Variants in OR2C1 observed in about 807,000 individuals in gnomAD.
The protein encoded by OR2C1 is olfactory receptor 2C1.
For synonymous variants in OR2C1, 209 were observed against 167.3 expected (o/e 1.25, Z -1.92); for missense variants, 468 against 388.3 (o/e 1.21, Z -1.73).
At chr16:3,335,810 T>A in the OR2C1 span, among the ~76,000 whole-genome samples, 607 of 152,312 alleles carry the variant, frequency 4.0e-3, 2 homozygotes, top group African/African-American at 0.014. Context: ...TTCTAAAAAT[T>A]TTTTTGTGGA....
chr16:3,338,538 C>CTTTTTTTTTTTTTTTTTTT, the OR2C1 span, among the ~76,000 whole-genome samples: 4 of 103,350 alleles, frequency 3.9e-5, no homozygotes, highest in Admixed American at 2.5e-4. Flanking sequence ...GTATAGGTAC[C>CTTTTTTTTTTTTTTTTTTT]TTTTTTTTTT....
downstream of OR2C1, among the ~76,000 whole-genome samples, chr16:3,357,747 C>T (rs192180290): frequency 4.4e-3 from 669 of 152,036 alleles, 4 homozygotes; most frequent in African/African-American, 0.014. Context: ...TTTGGGAGGC[C>T]GAGGCGGGTG....
chr16:3,346,082 C>A, the OR2C1 span, among the ~76,000 whole-genome samples: 1 of 152,124 alleles, frequency 6.6e-6, no homozygotes, highest in African/African-American at 2.4e-5. Flanking sequence ...AGTCCTCCTG[C>A]CTTGGCCTCC....
At chr16:3,324,754 T>TAC in the OR2C1 span, among the ~76,000 whole-genome samples, 109 of 151,790 alleles carry the variant, frequency 7.2e-4, no homozygotes, top group Middle Eastern at 3.4e-3. Flanking sequence ...ACCTAGCTCC[T>TAC]ACACACACAC....
chr16:3,336,128 G>A, the OR2C1 span, among the ~76,000 whole-genome samples: 9 of 152,164 alleles, frequency 5.9e-5, no homozygotes, highest in Admixed American at 5.9e-4. Flanking sequence ...TTATCATAAA[G>A]AGATGTTGAA....
the OR2C1 span, among the ~76,000 whole-genome samples, chr16:3,337,693 A>G: frequency 1.7e-3 from 261 of 152,068 alleles, no homozygotes; most frequent in African/African-American, 6.1e-3. Context: ...TAGAAATGCT[A>G]TTTTGAATTC....
rs1382203663 is a variant in OR2C1, at chr16:3,356,577, A to G, written c.637A>G (p.Ile213Val). The G allele has an allele frequency of 1.2e-6, 2 of 1,614,174 alleles. No homozygotes were observed. Among genetic ancestry groups the G allele is most frequent in the Non-Finnish European group, 1.7e-6 (2 of 1,180,042 alleles). ...CTFFTAVPLSIIVISYCLIAQ... is the reference protein window; with the variant it reads ...CTFFTAVPLSVIVISYCLIAQ... ...CTTCTTCACTGCAGTCCCACTAAGC[A>G]TCATCGTGATCTCCTACTGCCTCAT... The change falls in exon 1 of 1, where the codon ATC (isoleucine) becomes GTC (valine). Residue 213 changes from isoleucine (I) to valine (V), a missense_variant. By Grantham distance (29) the Ile-to-Val change is conservative. Transcript: ENST00000304936.
chr16:3,343,658 G>C, the OR2C1 span, among the ~76,000 whole-genome samples: 2 of 152,130 alleles, frequency 1.3e-5, no homozygotes, highest in Non-Finnish European at 2.9e-5. Flanking sequence ...AGGCTAAGCA[G>C]GGAGAATTGC....
At chr16:3,343,147 AT>A in the OR2C1 span, among the ~76,000 whole-genome samples, 1 of 151,894 alleles carries the variant, frequency 6.6e-6, no homozygotes, top group Admixed American at 6.6e-5. Context: ...ATTTTTCTTT[AT>A]CTTGCTGTAG....
rs1262467397 is a variant in OR2C1, at chr16:3,356,003, C to G, written c.63C>G (p.Pro21=). The G allele has an allele frequency of 1.2e-6, 2 of 1,614,024 alleles. No homozygotes were observed. Among genetic ancestry groups the G allele is most frequent in the Admixed American group, 3.3e-5 (2 of 60,010 alleles). ...GFVLMGISDH[P]QLEMIFFIAI... ...TTCTGATGGGCATATCAGACCATCC[C>G]CAGCTGGAGATGATCTTTTTTATAG... The change falls in exon 1 of 1, where the codon CCC becomes CCG. Residue 21 remains proline, a synonymous_variant. Coordinates refer to ENST00000304936, the MANE Select transcript of OR2C1 (RefSeq NM_012368.3).
chr16:3,348,906 C>G, the OR2C1 span, among the ~76,000 whole-genome samples: 1 of 152,044 alleles, frequency 6.6e-6, no homozygotes, highest in Non-Finnish European at 1.5e-5. Flanking sequence ...AGAACTGGGA[C>G]TCCCCCTCTC....
rs144855549 is a variant in OR2C1 at position 3,356,510 on chromosome 16, C to T, written c.570C>T (p.Gly190=). ...CTGCCATGATCAAACTGGCCTGTGG[C>T]GACACAAGTCTCAACCAGGCTGTGC... ...EVPAMIKLAC[G]DTSLNQAVLN... is the part of the protein sequence containing the mutation. The change falls in exon 1 of 1, where the codon GGC becomes GGT. Residue 190 remains glycine, a synonymous_variant. Coordinates refer to ENST00000304936, the MANE Select transcript of OR2C1 (RefSeq NM_012368.3). 2.8e-5 allele frequency: 46 copies of T among 1,614,092 alleles called. No homozygotes were observed. Among genetic ancestry groups the T allele is most frequent in the African/African-American group, 8.0e-5 (6 of 75,052 alleles).
the OR2C1 span, among the ~76,000 whole-genome samples, chr16:3,332,357 A>G: frequency 6.6e-6 from 1 of 152,006 alleles, no homozygotes; most frequent in Non-Finnish European, 1.5e-5. Flanking sequence ...CAGCCTCCCA[A>G]AGCGCTGGGA....
chr16:3,338,199 A>C, the OR2C1 span, among the ~76,000 whole-genome samples: 3 of 152,102 alleles, frequency 2.0e-5, no homozygotes, highest in Admixed American at 1.3e-4. Context: ...GTCTCCTTTG[A>C]CTGAGTTACA....
upstream of OR2C1, among the ~76,000 whole-genome samples, chr16:3,351,220 C>CTTTTTTTTTT (rs779814781): frequency 5.4e-5 from 1 of 18,654 alleles, no homozygotes; most frequent in African/African-American, 2.1e-4. Flanking sequence ...TTTTCTTTTT[C>CTTTTTTTTTT]TTTTTCTTTT....
chr16:3,342,238 G>A, the OR2C1 span, among the ~76,000 whole-genome samples: 1 of 151,990 alleles, frequency 6.6e-6, no homozygotes, highest in Non-Finnish European at 1.5e-5. Context: ...GCAACAGAGC[G>A]AGACCCTGCC....
chr16:3,354,422 T>C (rs1452436215), upstream of OR2C1, among the ~76,000 whole-genome samples: 3 of 152,374 alleles, frequency 2.0e-5, no homozygotes, highest in East Asian at 5.8e-4. Flanking sequence ...AACCCCTTTT[T>C]GTGTAACCTC....
chr16:3,339,143 G>C, the OR2C1 span, among the ~76,000 whole-genome samples: 1 of 152,052 alleles, frequency 6.6e-6, no homozygotes, highest in Non-Finnish European at 1.5e-5. Context: ...CTCTCATTTA[G>C]CCTAATGTTT....
At position 3,356,117 on chromosome 16, in the gene OR2C1, G is replaced by A. The variant is rs2030664938; in HGVS notation, c.177G>A (p.Met59Ile). The change falls in exon 1 of 1, where the codon ATG (methionine) becomes ATA (isoleucine). Residue 59 changes from methionine to isoleucine, a missense_variant. Coordinates refer to ENST00000304936, the MANE Select transcript of OR2C1 (RefSeq NM_012368.3). Reference sequence around the variant, plus strand: ...TGGAGGCCCGGCTCCATACACCCATGTACTTCTTCCTCAGCAACCTCTCCT... The same window carrying A: ...TGGAGGCCCGGCTCCATACACCCATATACTTCTTCCTCAGCAACCTCTCCT... ...SRLEARLHTP[M>I]YFFLSNLSSL... 3 of 1,614,156 alleles carry A rather than the reference G, an allele frequency of 1.9e-6. No individual in the cohort carries two copies. Among genetic ancestry groups the A allele is most frequent in the African/African-American group, 1.3e-5 (1 of 75,036 alleles).
Sources: gnomAD v4.1 joint callset for allele counts (sites outside exome capture counted in the v4.1 genomes callset) on GRCh38, gnomAD v4.1.1 for gene constraint, MANE v1.5 for transcripts, NCBI Gene and HGNC (gene_info 2026-07-23, HGNC 2026-07-21) for gene names.